EFCAB11: variants seen among roughly 807,000 people sequenced by gnomAD.
EFCAB11 encodes the protein EF-hand calcium binding domain 11, also known as EF-hand calcium-binding domain-containing protein 11.
A neutral mutation model predicts 23.0 loss-of-function variants in EFCAB11; 14 were observed. That is an observed-to-expected ratio of 0.61 (90% CI 0.40 to 0.95). EFCAB11 has a LOEUF of 0.95. Ranked by LOEUF, EFCAB11 falls within the 40% of genes least tolerant of loss-of-function variation. The pLI is 0.00. For missense variants in EFCAB11, 198 were observed against 195.8 expected (o/e 1.01, Z -0.07); for synonymous variants, 65 against 66.6 (o/e 0.98, Z 0.11).
intron 5 of EFCAB11, among the ~76,000 whole-genome samples, chr14:89,834,451 C>T (rs1280057451): frequency 1.3e-5 from 2 of 149,732 alleles, no homozygotes; most frequent in Non-Finnish European, 3.0e-5. Context: ...TTGCAACCGG[C>T]AATTGGATCT....
intron 5 of EFCAB11, among the ~76,000 whole-genome samples, chr14:89,911,004 G>A (rs1238726329): frequency 6.6e-6 from 1 of 152,156 alleles, no homozygotes; most frequent in African/African-American, 2.4e-5. Context: ...ATTAACAAAG[G>A]TGCACCTAGT....
intron 3 of EFCAB11, 38 bp downstream of exon 3, chr14:89,950,059 A>C: frequency 1.3e-6 from 2 of 1,502,548 alleles, no homozygotes; most frequent in African/African-American, 2.8e-5. Context: ...TCAGTGTCTA[A>C]ATAAGGTACT....
intron 5 of EFCAB11, among the ~76,000 whole-genome samples, chr14:89,896,352 T>C (rs1458624754): frequency 6.6e-6 from 1 of 151,726 alleles, no homozygotes; most frequent in East Asian, 1.9e-4. Flanking sequence ...ATCGTGCCAC[T>C]GCACTCCAGC....
intron 5 of EFCAB11, chr14:89,924,684 T>C: frequency 3.3e-6 from 5 of 1,535,312 alleles, no homozygotes; most frequent in Non-Finnish European, 4.4e-6. Context: ...GCCTCTGAAA[T>C]AAAGCAAAAA....
At chr14:89,950,389 A>C (rs1397977184) in intron 2 of EFCAB11, among the ~76,000 whole-genome samples, 2 of 152,216 alleles carry the variant, frequency 1.3e-5, no homozygotes, top group Non-Finnish European at 2.9e-5. Context: ...TGACCAAAAC[A>C]GTTTAAGAAC....
chr14:89,916,295 T>C (rs538253700), intron 5 of EFCAB11, among the ~76,000 whole-genome samples: 177 of 152,332 alleles, frequency 1.2e-3, no homozygotes, highest in African/African-American at 4.0e-3. Flanking sequence ...AAACTGGTCA[T>C]TGAAGAAACT....
At chr14:89,932,680 GA>G (rs952608289) in intron 3 of EFCAB11, 53 bp from the exon 4 acceptor site, 2 of 1,406,916 alleles carry the variant, frequency 1.4e-6, no homozygotes, top group South Asian at 2.3e-5. Flanking sequence ...TCCTCTTTAA[GA>G]AAAAATTAAA....
At chr14:89,913,168 C>T (rs560658594) in intron 5 of EFCAB11, among the ~76,000 whole-genome samples, 73 of 152,306 alleles carry the variant, frequency 4.8e-4, no homozygotes, top group African/African-American at 1.7e-3. Flanking sequence ...ACATGACAGG[C>T]CTGGTGTGCC....
chr14:89,859,271 GAAGA>G (rs1887848818), intron 5 of EFCAB11, among the ~76,000 whole-genome samples: 1 of 152,170 alleles, frequency 6.6e-6, no homozygotes, highest in Non-Finnish European at 1.5e-5. Flanking sequence ...TCTGCAAACA[GAAGA>G]AAGGGCATTT....
intron 5 of EFCAB11, among the ~76,000 whole-genome samples, chr14:89,912,768 AAGGAATAAACTACTGC>A (rs1889719818): frequency 6.6e-6 from 1 of 152,340 alleles, no homozygotes; most frequent in South Asian, 2.1e-4. Context: ...GGGAACAACA[AAGGAATAAACTACTGC>A]AGGCATCACC....
intron 5 of EFCAB11, among the ~76,000 whole-genome samples, chr14:89,835,599 T>TGA (rs1444117276): frequency 5.3e-5 from 7 of 131,656 alleles, no homozygotes; most frequent in Non-Finnish European, 9.7e-5. Context: ...TGTGTGTGTG[T>TGA]GTGTGTGTGT....
rs532334940 is a variant in EFCAB11 at position 89,945,321 on chromosome 14, C to G, written c.217+4776G>C. Among the ~76,000 whole-genome samples the G allele has an allele frequency of 2.0e-5, 3 of 152,120 alleles. No homozygotes were observed. In the South Asian group the frequency reaches 6.2e-4, roughly 32 times the overall value. On this transcript the variant is annotated intron_variant, in intron 3 of 5. Transcript: ENST00000316738. ...GATAATTAAAGGTAGAAGCTGAGGTCATCAGTTTGACACCTTTATTCTTTC... is the reference window on the plus strand; with the variant it reads ...GATAATTAAAGGTAGAAGCTGAGGTGATCAGTTTGACACCTTTATTCTTTC...
In EFCAB11 at chr14:89,954,301, G is replaced by A. The variant is rs1035876910; in HGVS notation, c.75+285C>T. 7.3e-5 allele frequency: 111 copies of A among 1,511,184 alleles called. No individual in the cohort carries two copies. In the Middle Eastern group the frequency reaches 8.4e-4, roughly 11 times the overall value. The allele number at this position is 1,511,184 out of a possible 1,614,324, so 93.6% of individuals were successfully genotyped here. On this transcript the variant is annotated intron_variant, in intron 1 of 5. Coordinates refer to ENST00000316738, the MANE Select transcript of EFCAB11 (RefSeq NM_145231.4). The stretch of plus-strand genomic sequence containing the variant: ...AAAATTCAGTCCTGGAGTTAGGAAG[G>A]TGAGGCAAAGGGGCTGGCTTTGAAA...
At chr14:89,837,022 G>T in intron 5 of EFCAB11, 1 of 455,998 alleles carries the variant, frequency 2.2e-6, no homozygotes. Flanking sequence ...ACACTTGCCT[G>T]AGAATCTGCA....
chr14:89,851,079 G>A (rs1887587841), intron 5 of EFCAB11, among the ~76,000 whole-genome samples: 1 of 152,196 alleles, frequency 6.6e-6, no homozygotes, highest in South Asian at 2.1e-4. Flanking sequence ...ACTTACTAGA[G>A]AGCCCTTGGA....
At chr14:89,806,493 C>G (rs928894795) in intron 5 of EFCAB11, among the ~76,000 whole-genome samples, 1 of 152,182 alleles carries the variant, frequency 6.6e-6, no homozygotes, top group African/African-American at 2.4e-5. Flanking sequence ...CAGCACAGAT[C>G]AGACAGTTTT....
chr14:89,811,739 T>C (rs10137384), intron 5 of EFCAB11, among the ~76,000 whole-genome samples: 132,428 of 152,182 alleles, frequency 0.87, 57,955 homozygotes, highest in Middle Eastern at 0.93. Flanking sequence ...AATGTGGCCC[T>C]GCTGACACCT....
chr14:89,807,181 C>T (rs1885996922), intron 5 of EFCAB11, among the ~76,000 whole-genome samples: 1 of 152,150 alleles, frequency 6.6e-6, no homozygotes, highest in East Asian at 1.9e-4. Context: ...TCCCTCTATG[C>T]TCAATAGATT....
chr14:89,815,925 T>C (rs1331494677), intron 5 of EFCAB11, among the ~76,000 whole-genome samples: 2 of 152,196 alleles, frequency 1.3e-5, no homozygotes, highest in Non-Finnish European at 2.9e-5. Context: ...TTGTGAATAA[T>C]GTCATTGGTA....
Sources: allele counts gnomAD v4.1 joint callset (sites outside exome capture counted in the v4.1 genomes callset), GRCh38; gene constraint gnomAD v4.1.1; transcripts MANE v1.5; gene names NCBI Gene and HGNC (gene_info 2026-07-23, HGNC 2026-07-21).